Variants in SULF1 observed in about 807,000 individuals in gnomAD.
The protein encoded by SULF1 is extracellular sulfatase Sulf-1.
Under a neutral mutation model 110.5 loss-of-function variants are expected in SULF1, and 46 were observed. The ratio of observed to expected loss-of-function variants is 0.42; its 90% CI spans 0.33 to 0.53. SULF1 has a LOEUF of 0.53. Among genes scored for constraint, SULF1 ranks in the 20% least tolerant of loss-of-function variants. The pLI is 0.12. For missense variants in SULF1, 941 were observed against 1,094.2 expected (o/e 0.86, Z 1.98); for synonymous variants, 371 against 387.1 (o/e 0.96, Z 0.49).
chr8:69,628,891 G>A (rs1211831772), intron 18 of SULF1, among the ~76,000 whole-genome samples: 2 of 152,192 alleles, frequency 1.3e-5, no homozygotes, highest in South Asian at 2.1e-4. Context: ...TGTCCAAAGA[G>A]TGTGGCTAGC....
At chr8:69,566,394 C>T (rs1815886156) in intron 5 of SULF1, among the ~76,000 whole-genome samples, 1 of 152,150 alleles carries the variant, frequency 6.6e-6, no homozygotes, top group African/African-American at 2.4e-5. Flanking sequence ...TTCATTTATT[C>T]ATCCAGTAAA....
At chr8:69,638,429 C>T (rs1811218670) in intron 19 of SULF1, 73 bp from the exon 20 acceptor site, 2 of 1,518,898 alleles carry the variant, frequency 1.3e-6, no homozygotes, top group Non-Finnish European at 1.8e-6. Context: ...GATAAGGGAA[C>T]ACTGGAATGG....
intron 3 of SULF1, among the ~76,000 whole-genome samples, chr8:69,560,739 T>C (rs1815423823): frequency 6.6e-6 from 1 of 152,242 alleles, no homozygotes; most frequent in Non-Finnish European, 1.5e-5. Flanking sequence ...CTTTACTTCT[T>C]TTCCTTCTAG....
intron 3 of SULF1, among the ~76,000 whole-genome samples, chr8:69,511,845 G>A (rs113741676): frequency 2.0e-5 from 3 of 152,076 alleles, no homozygotes; most frequent in African/African-American, 7.2e-5. Flanking sequence ...ATATACATTC[G>A]ATGACTTTTT....
chr8:69,548,978 A>G (rs1288949168), intron 3 of SULF1, among the ~76,000 whole-genome samples: 1 of 152,152 alleles, frequency 6.6e-6, no homozygotes. Context: ...ATCCCCACCC[A>G]GGGCTCCCAG....
intron 22 of SULF1, among the ~76,000 whole-genome samples, chr8:69,651,557 TTTTATC>T (rs74274974): frequency 0.21 from 31,931 of 152,004 alleles, 4,004 homozygotes; most frequent in African/African-American, 0.35. Context: ...TTTTTAGTGC[TTTTATC>T]TTTAATGAAC....
At chr8:69,540,705 T>A (rs1376761351) in intron 3 of SULF1, among the ~76,000 whole-genome samples, 1 of 152,202 alleles carries the variant, frequency 6.6e-6, no homozygotes, top group Non-Finnish European at 1.5e-5. Context: ...ATGTTCTTGC[T>A]GTAGGATCAT....
chr8:69,553,093 C>T (rs1482008408), intron 3 of SULF1, among the ~76,000 whole-genome samples: 1 of 152,184 alleles, frequency 6.6e-6, no homozygotes, highest in Non-Finnish European at 1.5e-5. Flanking sequence ...TCCAGAACAC[C>T]TCCTTCACAT....
chr8:69,588,133 C>T (rs1806602153), intron 7 of SULF1, among the ~76,000 whole-genome samples: 1 of 152,216 alleles, frequency 6.6e-6, no homozygotes, highest in Admixed American at 6.5e-5. Context: ...ATGACACACA[C>T]TTAAAAGAAG....
intron 8 of SULF1, among the ~76,000 whole-genome samples, chr8:69,592,438 A>G (rs146148880): frequency 1.3e-5 from 2 of 152,212 alleles, no homozygotes; most frequent in East Asian, 3.9e-4. Context: ...GTTCAAATGA[A>G]CCTTCTATTG....
intron 8 of SULF1, among the ~76,000 whole-genome samples, chr8:69,596,211 G>A (rs1159053744): frequency 6.6e-6 from 1 of 152,186 alleles, no homozygotes; most frequent in Non-Finnish European, 1.5e-5. Context: ...ATGTTTTCTT[G>A]GGGGTATAAG....
intron 3 of SULF1, among the ~76,000 whole-genome samples, chr8:69,525,754 T>C (rs1387870180): frequency 6.6e-6 from 1 of 152,168 alleles, no homozygotes; most frequent in African/African-American, 2.4e-5. Context: ...GCACTGAGAC[T>C]TTAATGGTGG....
At chr8:69,633,723 G>A (rs1286324615) in intron 19 of SULF1, among the ~76,000 whole-genome samples, 1 of 151,906 alleles carries the variant, frequency 6.6e-6, no homozygotes, top group African/African-American at 2.4e-5. Context: ...GTGCAGTTTT[G>A]TTACATAGGA....
chr8:69,592,910 A>AT, intron 8 of SULF1: 1 of 987,386 alleles, frequency 1.0e-6, no homozygotes, highest in Non-Finnish European at 1.2e-6. Flanking sequence ...ACACCTGGCC[A>AT]TTCCAATGGA....
chr8:69,570,501 A>T (rs1805148324), intron 5 of SULF1, among the ~76,000 whole-genome samples: 1 of 152,190 alleles, frequency 6.6e-6, no homozygotes, highest in African/African-American at 2.4e-5. Context: ...AAGTCATCCA[A>T]ATTAGGGGGA....
intron 3 of SULF1, among the ~76,000 whole-genome samples, chr8:69,541,627 C>T (rs943966979): frequency 1.3e-5 from 2 of 152,194 alleles, no homozygotes; most frequent in Non-Finnish European, 2.9e-5. Flanking sequence ...TTTGAAAGTA[C>T]AGATTTCTTG....
chr8:69,525,217 A>G (rs1812575422), intron 3 of SULF1, among the ~76,000 whole-genome samples: 1 of 151,894 alleles, frequency 6.6e-6, no homozygotes, highest in African/African-American at 2.4e-5. Flanking sequence ...ATTTCCTGGG[A>G]ATCAGGAATG....
chr8:69,565,786 G>A (rs572311272), intron 5 of SULF1, among the ~76,000 whole-genome samples: 101 of 152,102 alleles, frequency 6.6e-4, no homozygotes, highest in Non-Finnish European at 1.3e-3. Flanking sequence ...TGAGCCTTGC[G>A]GCCCCTGCCT....
At chr8:69,483,509 G>A (rs1451010453) in intron 1 of SULF1, among the ~76,000 whole-genome samples, 1 of 152,090 alleles carries the variant, frequency 6.6e-6, no homozygotes, top group Non-Finnish European at 1.5e-5. Context: ...AAAGAGCACT[G>A]GTTCTGGAAT....
Sources: allele counts gnomAD v4.1 joint callset (sites outside exome capture counted in the v4.1 genomes callset), GRCh38; gene constraint gnomAD v4.1.1; transcripts MANE v1.5; gene names NCBI Gene and HGNC (gene_info 2026-07-23, HGNC 2026-07-21).